Variants in JMJD1C observed in about 807,000 individuals in gnomAD.
The protein encoded by JMJD1C is jumonji domain-containing protein 1C.
Under a neutral mutation model 245.3 loss-of-function variants are expected in JMJD1C, and 31 were observed. The observed-to-expected ratio is 0.13, with a 90% CI of 0.09 to 0.17. The LOEUF (loss-of-function observed/expected upper bound fraction) is 0.17. Ranked by LOEUF, JMJD1C falls within the 10% of genes least tolerant of loss-of-function variation. The probability of loss-of-function intolerance (pLI) is 1.00; values close to 1 mark genes in which losing one functional copy is unlikely to be tolerated. For missense variants in JMJD1C, 2,691 were observed against 3,000.2 expected, an observed-to-expected ratio of 0.90 and a Z score of 2.41; for synonymous variants, 1,057 against 1,017.4, an observed-to-expected ratio of 1.04 and a Z score of -0.74.
intron 3 of JMJD1C, among the ~76,000 whole-genome samples, chr10:63,250,308 C>T (rs943503380): frequency 1.4e-4 from 21 of 152,114 alleles, no homozygotes; most frequent in Non-Finnish European, 2.8e-4. Flanking sequence ...TAAGCCACTG[C>T]ACCAAGCCAA....
chr10:63,189,037 T>C, intron 18 of JMJD1C, 131 bp downstream of exon 18: 1 of 699,608 alleles, frequency 1.4e-6, no homozygotes, highest in African/African-American at 1.8e-5. Context: ...GGTACTTTTA[T>C]ATCTTATTGT....
At position 63,426,858 on chromosome 10, in the gene JMJD1C, TTAGTAATG is replaced by T. The variant is rs1189278871; in HGVS notation, c.168+38629_168+38636del. Reference sequence around the variant, plus strand: ...CTCCAAAAGAGAAAAAGATAGAAAATTAGTAATGTACTTGGCTTCATGACTCCATTACT... The same window carrying T: ...CTCCAAAAGAGAAAAAGATAGAAAATTACTTGGCTTCATGACTCCATTACT... On this transcript the variant is annotated intron_variant, in intron 1 of 25. Coordinates refer to ENST00000399262, the MANE Select transcript of JMJD1C (RefSeq NM_032776.3). 3.7e-4 allele frequency among the ~76,000 whole-genome samples: 57 copies of T among 152,280 alleles called. 1 individual carries two copies. Among genetic ancestry groups the T allele is most frequent in the Non-Finnish European group, 5.9e-5 (4 of 68,028 alleles).
intron 1 of JMJD1C, among the ~76,000 whole-genome samples, 181 bp from the exon 2 acceptor site, chr10:63,380,663 TG>T (rs1947142151): frequency 6.6e-6 from 1 of 152,244 alleles, no homozygotes; most frequent in Non-Finnish European, 1.5e-5. Flanking sequence ...ATTTATCATT[TG>T]TGTTAGAAAC....
intron 2 of JMJD1C, among the ~76,000 whole-genome samples, chr10:63,348,234 G>A (rs562063869): frequency 6.7e-6 from 1 of 148,726 alleles, no homozygotes; most frequent in Admixed American, 6.7e-5. Context: ...GCATTCAAAT[G>A]TCATCAAGAC....
intron 2 of JMJD1C, among the ~76,000 whole-genome samples, chr10:63,290,899 A>G (rs7075195): frequency 0.38 from 58,394 of 152,038 alleles, 11,588 homozygotes; most frequent in South Asian, 0.5. Flanking sequence ...TAAGATAGCA[A>G]ATATTGAGAA....
chr10:63,322,602 C>G (rs970395637), intron 2 of JMJD1C, among the ~76,000 whole-genome samples: 7 of 152,010 alleles, frequency 4.6e-5, no homozygotes, highest in African/African-American at 1.7e-4. Context: ...ATCACAAGGT[C>G]TGGAGTTCAA....
intron 2 of JMJD1C, among the ~76,000 whole-genome samples, chr10:63,292,214 T>G (rs1177636669): frequency 6.9e-6 from 1 of 144,210 alleles, no homozygotes; most frequent in Non-Finnish European, 1.5e-5. Context: ...CCACCTCAGC[T>G]TCCCATAGTG....
At chr10:63,373,969 G>A (rs1028413753) in intron 2 of JMJD1C, among the ~76,000 whole-genome samples, 1 of 152,018 alleles carries the variant, frequency 6.6e-6, no homozygotes, top group African/African-American at 2.4e-5. Context: ...CACTTCACTT[G>A]TTTATTAATT....
intron 2 of JMJD1C, among the ~76,000 whole-genome samples, chr10:63,309,064 G>A (rs536505456): frequency 5.9e-5 from 9 of 152,046 alleles, no homozygotes; most frequent in East Asian, 5.8e-4. Context: ...TTCCACACCC[G>A]GGGCAAACCA....
chr10:63,456,343 C>T (rs996327348), intron 1 of JMJD1C, among the ~76,000 whole-genome samples: 1 of 152,076 alleles, frequency 6.6e-6, no homozygotes. Flanking sequence ...TGGAATAGTT[C>T]ATCAACTTTA....
At chr10:63,283,747 G>A (rs1857664520) in intron 2 of JMJD1C, among the ~76,000 whole-genome samples, 2 of 152,016 alleles carry the variant, frequency 1.3e-5, no homozygotes, top group Non-Finnish European at 2.9e-5. Context: ...GTCACATTTA[G>A]GTTAAACAAT....
chr10:63,448,215 G>A (rs1022705542), intron 1 of JMJD1C, among the ~76,000 whole-genome samples: 8 of 151,816 alleles, frequency 5.3e-5, no homozygotes, highest in Non-Finnish European at 7.4e-5. Context: ...GGAGTGTAGC[G>A]GTACAATCTC....
intron 2 of JMJD1C, among the ~76,000 whole-genome samples, chr10:63,341,855 G>C (rs1943412190): frequency 6.6e-6 from 1 of 152,218 alleles, no homozygotes; most frequent in East Asian, 1.9e-4. Flanking sequence ...CAGAACTGTA[G>C]GTGTGGAAGG....
At chr10:63,436,028 GT>G (rs1484824076) in intron 1 of JMJD1C, among the ~76,000 whole-genome samples, 1 of 152,172 alleles carries the variant, frequency 6.6e-6, no homozygotes, top group African/African-American at 2.4e-5. Flanking sequence ...TTACCTCATA[GT>G]TTTATATTCT....
chr10:63,496,462 T>C (rs2031034684), intron 1 of JMJD1C, among the ~76,000 whole-genome samples: 2 of 152,230 alleles, frequency 1.3e-5, no homozygotes, highest in African/African-American at 4.8e-5. Flanking sequence ...ATATGATCTC[T>C]GCCTTGTTCC....
intron 2 of JMJD1C, among the ~76,000 whole-genome samples, chr10:63,306,821 G>A (rs2134021853): frequency 6.6e-6 from 1 of 152,140 alleles, no homozygotes; most frequent in Non-Finnish European, 1.5e-5. Context: ...GATAAATAAG[G>A]TTTATAGGTA....
At chr10:63,423,758 C>A in intron 1 of JMJD1C, among the ~76,000 whole-genome samples, 1 of 152,312 alleles carries the variant, frequency 6.6e-6, no homozygotes, top group Middle Eastern at 3.4e-3. Context: ...ACGTTCCCAT[C>A]ATCAATGTAT....
At chr10:63,374,961 T>C (rs2134455567) in intron 2 of JMJD1C, among the ~76,000 whole-genome samples, 1 of 152,310 alleles carries the variant, frequency 6.6e-6, no homozygotes, top group East Asian at 1.9e-4. Context: ...ATATCATCTG[T>C]GAACAGACAC....
chr10:63,432,186 T>G (rs764295294), intron 1 of JMJD1C, among the ~76,000 whole-genome samples: 1 of 152,164 alleles, frequency 6.6e-6, no homozygotes, highest in Non-Finnish European at 1.5e-5. Context: ...ACCCAGGAAG[T>G]AGTTTATGTG....
Sources: gnomAD v4.1 joint callset for allele counts (sites outside exome capture counted in the v4.1 genomes callset) on GRCh38, gnomAD v4.1.1 for gene constraint, MANE v1.5 for transcripts, NCBI Gene and HGNC (gene_info 2026-07-23, HGNC 2026-07-21) for gene names.